The following MARCHF11 variants were observed in gnomAD, a reference collection of about 807,000 sequenced individuals.
MARCHF11 encodes the protein membrane associated ring-CH-type finger 11.
In MARCHF11, 29 loss-of-function variants were observed where a neutral mutation model predicts 37.3. The observed-to-expected ratio is 0.78, with a 90% CI of 0.58 to 1.06. The LOEUF is 1.06. Among genes scored for constraint, MARCHF11 ranks in the 50% least tolerant of loss-of-function variants. MARCHF11 has a pLI of 0.00. For synonymous variants in MARCHF11, 233 were observed against 228.0 expected, an observed-to-expected ratio of 1.02 and a Z score of -0.20; for missense variants, 482 against 533.4, an observed-to-expected ratio of 0.90 and a Z score of 0.95.
At chr5:16,137,557 G>C (rs1737628429) in intron 2 of MARCHF11, among the ~76,000 whole-genome samples, 1 of 152,186 alleles carries the variant, frequency 6.6e-6, no homozygotes, top group Non-Finnish European at 1.5e-5. Flanking sequence ...GGTAAAGTGG[G>C]ATATTGCTAT....
chr5:16,080,569 C>A (rs1418480288), intron 3 of MARCHF11, among the ~76,000 whole-genome samples: 1 of 152,170 alleles, frequency 6.6e-6, no homozygotes, highest in African/African-American at 2.4e-5. Flanking sequence ...TATGACCTTT[C>A]TCTCCCTTAG....
chr5:16,154,106 A>C (rs1052859255), intron 2 of MARCHF11, among the ~76,000 whole-genome samples: 1 of 151,920 alleles, frequency 6.6e-6, no homozygotes, highest in Non-Finnish European at 1.5e-5. Flanking sequence ...AGAAATTCTG[A>C]CCTTTTCTGA....
chr5:16,087,542 A>G (rs973746932), intron 3 of MARCHF11, among the ~76,000 whole-genome samples: 3 of 152,296 alleles, frequency 2.0e-5, no homozygotes, highest in South Asian at 4.1e-4. Context: ...TAACTGCTCA[A>G]TCTCACTAGC....
chr5:16,164,660 T>C (rs1050459905), intron 2 of MARCHF11, among the ~76,000 whole-genome samples: 4 of 152,108 alleles, frequency 2.6e-5, no homozygotes, highest in African/African-American at 9.7e-5. Flanking sequence ...TAATTATTGA[T>C]AATAAATGAG....
At chr5:16,163,764 A>G (rs966079706) in intron 2 of MARCHF11, among the ~76,000 whole-genome samples, 1 of 152,232 alleles carries the variant, frequency 6.6e-6, no homozygotes, top group South Asian at 2.1e-4. Context: ...GTTAAAACTT[A>G]ATCATCAATG....
intron 2 of MARCHF11, among the ~76,000 whole-genome samples, chr5:16,132,948 G>A (rs557425086): frequency 6.6e-6 from 1 of 152,210 alleles, no homozygotes; most frequent in Non-Finnish European, 1.5e-5. Flanking sequence ...AGGAATGGAT[G>A]CAAAAAATAA....
intron 2 of MARCHF11, among the ~76,000 whole-genome samples, chr5:16,161,777 A>C (rs2126604768): frequency 6.6e-6 from 1 of 152,102 alleles, no homozygotes; most frequent in Admixed American, 6.6e-5. Context: ...CCAGTGGCCA[A>C]GTCATGTACA....
intron 2 of MARCHF11, among the ~76,000 whole-genome samples, chr5:16,125,948 T>A (rs1019435039): frequency 5.9e-5 from 9 of 152,178 alleles, no homozygotes; most frequent in Non-Finnish European, 1.2e-4. Flanking sequence ...GTCAATGTAA[T>A]GAGAATTTCC....
intron 2 of MARCHF11, among the ~76,000 whole-genome samples, chr5:16,104,914 AACACACACACACAC>A (rs35858618): frequency 1.3e-5 from 2 of 149,556 alleles, no homozygotes; most frequent in Non-Finnish European, 3.0e-5. Flanking sequence ...GACTAAAGGA[AACACACACACACAC>A]ACACACACAC....
intron 2 of MARCHF11, among the ~76,000 whole-genome samples, chr5:16,135,821 A>C (rs1737603229): frequency 6.6e-6 from 1 of 151,668 alleles, no homozygotes; most frequent in Non-Finnish European, 1.5e-5. Context: ...GATGTGGAAA[A>C]ATACATCAAA....
chr5:16,168,967 G>C (rs1428770246), intron 2 of MARCHF11, among the ~76,000 whole-genome samples: 1 of 151,978 alleles, frequency 6.6e-6, no homozygotes, highest in African/African-American at 2.4e-5. Flanking sequence ...AAGAGAACAG[G>C]GCCAAATTAT....
At chr5:16,081,571 A>G (rs750710414) in intron 3 of MARCHF11, among the ~76,000 whole-genome samples, 1 of 152,238 alleles carries the variant, frequency 6.6e-6, no homozygotes, top group Non-Finnish European at 1.5e-5. Flanking sequence ...TGTTCTATTT[A>G]TACCACTATC....
chr5:16,091,967 G>C (rs1405882736), intron 2 of MARCHF11, among the ~76,000 whole-genome samples: 1 of 152,106 alleles, frequency 6.6e-6, no homozygotes, highest in Non-Finnish European at 1.5e-5. Context: ...AAAACAACCC[G>C]CATAATTTAC....
At chr5:16,153,025 G>A (rs1318848040) in intron 2 of MARCHF11, among the ~76,000 whole-genome samples, 1 of 151,962 alleles carries the variant, frequency 6.6e-6, no homozygotes, top group Non-Finnish European at 1.5e-5. Context: ...CACTGCAGAG[G>A]ATGGAAACAG....
chr5:16,142,317 T>C (rs1737720645), intron 2 of MARCHF11, among the ~76,000 whole-genome samples: 1 of 152,196 alleles, frequency 6.6e-6, no homozygotes, highest in Non-Finnish European at 1.5e-5. Flanking sequence ...AGGACCTATG[T>C]CCTCACCTCC....
At chr5:16,094,907 C>G (rs1330364672) in intron 2 of MARCHF11, among the ~76,000 whole-genome samples, 1 of 152,086 alleles carries the variant, frequency 6.6e-6, no homozygotes, top group Non-Finnish European at 1.5e-5. Flanking sequence ...TCATTTAATT[C>G]CCACAACTCA....
intron 2 of MARCHF11, among the ~76,000 whole-genome samples, chr5:16,108,386 A>G (rs1243558759): frequency 6.6e-6 from 1 of 152,222 alleles, no homozygotes; most frequent in Non-Finnish European, 1.5e-5. Flanking sequence ...GGGGCCAGGG[A>G]ACTCTCCCGT....
At chr5:16,157,101 A>G (rs1017529147) in intron 2 of MARCHF11, among the ~76,000 whole-genome samples, 2 of 151,816 alleles carry the variant, frequency 1.3e-5, no homozygotes, top group Non-Finnish European at 2.9e-5. Context: ...CAATAAAACA[A>G]TCCTATTTAC....
chr5:16,083,962 T>C (rs1428090087), intron 3 of MARCHF11, among the ~76,000 whole-genome samples: 1 of 152,220 alleles, frequency 6.6e-6, no homozygotes, highest in East Asian at 1.9e-4. Context: ...ATCACAGAGT[T>C]TGATTATCCT....
Sources: gnomAD v4.1 joint callset for allele counts (sites outside exome capture counted in the v4.1 genomes callset) on GRCh38, gnomAD v4.1.1 for gene constraint, MANE v1.5 for transcripts, NCBI Gene and HGNC (gene_info 2026-07-23, HGNC 2026-07-21) for gene names.